Variants in ANKS1B observed in about 807,000 individuals in gnomAD.
ANKS1B encodes the protein ankyrin repeat and sterile alpha motif domain-containing protein 1B.
Under a neutral mutation model 148.3 loss-of-function variants are expected in ANKS1B, and 36 were observed. The observed-to-expected ratio is 0.24, with a 90% CI of 0.19 to 0.32. The LOEUF is 0.32. Among genes scored for constraint, ANKS1B ranks in the 10% least tolerant of loss-of-function variants. ANKS1B has a pLI of 1.00. For synonymous variants in ANKS1B, 542 were observed against 560.8 expected (o/e 0.97, Z 0.47); for missense variants, 1,157 against 1,542.6 (o/e 0.75, Z 4.19).
chr12:99,834,185 G>A (rs7309456), intron 1 of ANKS1B, among the ~76,000 whole-genome samples: 94,149 of 151,972 alleles, frequency 0.62, 30,722 homozygotes, highest in African/African-American at 0.77. Context: ...TTCAAATTTA[G>A]AAAGAGGGCC....
chr12:98,936,266 A>T lies in ANKS1B; in HGVS notation c.2779-104130T>A, dbSNP rs1377445442. Among the ~76,000 whole-genome samples the T allele has an allele frequency of 2.0e-5, 3 of 152,178 alleles. No homozygotes were observed. The East Asian group carries it at 5.8e-4, about 29-fold the overall frequency. ...AAAGCATATTCTGTGGCAATGTTAG[A>T]ATTCAAACCCAGGTCCCCTGACTCC... is the stretch of plus-strand genomic sequence containing the variant. On this transcript the variant is annotated intron_variant, in intron 17 of 26. Coordinates refer to ENST00000683438, the MANE Select transcript of ANKS1B (RefSeq NM_001352186.2).
chr12:98,896,471 G>T (rs2099764775), intron 17 of ANKS1B, among the ~76,000 whole-genome samples: 1 of 152,194 alleles, frequency 6.6e-6, no homozygotes, highest in African/African-American at 2.4e-5. Context: ...GCAACTGGTA[G>T]TTTTGGAAGA....
chr12:99,281,573 C>T (rs917525190), intron 12 of ANKS1B, among the ~76,000 whole-genome samples: 1 of 152,136 alleles, frequency 6.6e-6, no homozygotes, highest in Admixed American at 6.6e-5. Context: ...TTGGCGGGTA[C>T]TTCCAAAATA....
chr12:99,860,118 A>T (rs1191446757), intron 1 of ANKS1B, among the ~76,000 whole-genome samples: 1 of 152,206 alleles, frequency 6.6e-6, no homozygotes, highest in Non-Finnish European at 1.5e-5. Context: ...TTTAGGAGAG[A>T]GATGAAAACA....
chr12:99,517,272 T>C (rs1454637149), intron 9 of ANKS1B, among the ~76,000 whole-genome samples: 9 of 152,164 alleles, frequency 5.9e-5, no homozygotes, highest in Non-Finnish European at 1.2e-4. Context: ...GTTGTGGCTA[T>C]TGTAAGTGCA....
chr12:99,290,901 A>T (rs956963728), intron 12 of ANKS1B, among the ~76,000 whole-genome samples: 8 of 152,128 alleles, frequency 5.3e-5, no homozygotes, highest in Non-Finnish European at 1.0e-4. Flanking sequence ...CTGTTATTCA[A>T]TATAATACTG....
At chr12:99,823,453 A>G (rs1483697040) in intron 2 of ANKS1B, among the ~76,000 whole-genome samples, 3 of 151,986 alleles carry the variant, frequency 2.0e-5, no homozygotes, top group Non-Finnish European at 4.4e-5. Flanking sequence ...TTACAGGCAC[A>G]TATCATCGTG....
Position 99,437,881 on chromosome 12 carries a change from C to T in ANKS1B, c.1575+5792G>A, listed in dbSNP as rs73373989. Among the ~76,000 whole-genome samples the T allele has an allele frequency of 3.8e-3, 573 of 151,976 alleles. 3 individuals carry two copies. Among genetic ancestry groups the T allele is most frequent in the African/African-American group, 0.013 (545 of 41,484 alleles). Reference sequence around the variant, plus strand: ...TCAAACTACTAAAAAGATTAGTCTACAATCAGGGTATCTTTTCCCACTCTT... The same window carrying T: ...TCAAACTACTAAAAAGATTAGTCTATAATCAGGGTATCTTTTCCCACTCTT... On this transcript the variant is annotated intron_variant, in intron 11 of 26. Transcript: ENST00000683438.
intron 9 of ANKS1B, among the ~76,000 whole-genome samples, chr12:99,551,990 A>C (rs528765706): frequency 2.6e-5 from 4 of 152,088 alleles, no homozygotes; most frequent in Admixed American, 6.6e-5. Context: ...ATATATGTAC[A>C]GTTCCTAGCA....
intron 1 of ANKS1B, among the ~76,000 whole-genome samples, chr12:99,839,863 CTTT>C (rs1194267785): frequency 1.3e-5 from 2 of 151,970 alleles, no homozygotes; most frequent in African/African-American, 4.8e-5. Context: ...TAATTTAGTT[CTTT>C]ATTACTATTC....
intron 1 of ANKS1B, among the ~76,000 whole-genome samples, chr12:99,949,266 C>G (rs59977045): frequency 0.22 from 32,752 of 151,974 alleles, 3,798 homozygotes; most frequent in African/African-American, 0.25. Flanking sequence ...AAACCAGGAA[C>G]AGTTTCTTAG....
At chr12:99,221,649 C>A (rs554014151) in intron 14 of ANKS1B, among the ~76,000 whole-genome samples, 2 of 152,124 alleles carry the variant, frequency 1.3e-5, no homozygotes, top group Non-Finnish European at 2.9e-5. Flanking sequence ...TTTTCACCTA[C>A]CAAATATGTA....
intron 14 of ANKS1B, among the ~76,000 whole-genome samples, chr12:99,237,011 T>C (rs1191704266): frequency 6.6e-6 from 1 of 152,138 alleles, no homozygotes; most frequent in African/African-American, 2.4e-5. Context: ...GCTTAATACC[T>C]GGGTGATGAA....
At chr12:99,290,532 G>A (rs546464049) in intron 12 of ANKS1B, among the ~76,000 whole-genome samples, 216 of 151,934 alleles carry the variant, frequency 1.4e-3, no homozygotes, top group African/African-American at 4.7e-3. Flanking sequence ...AACAAAATAA[G>A]AGCAGTCCAA....
chr12:99,487,336 G>A (rs1166419341), intron 10 of ANKS1B, among the ~76,000 whole-genome samples: 1 of 152,074 alleles, frequency 6.6e-6, no homozygotes, highest in African/African-American at 2.4e-5. Context: ...TTAAAGTTTT[G>A]TTAGACAACA....
intron 15 of ANKS1B, among the ~76,000 whole-genome samples, chr12:99,133,034 T>C (rs1236685936): frequency 1.3e-5 from 2 of 150,110 alleles, no homozygotes; most frequent in African/African-American, 4.9e-5. Context: ...TTTTTTTTTC[T>C]TTTTTTTCTT....
At chr12:98,999,107 T>C (rs528575769) in intron 17 of ANKS1B, among the ~76,000 whole-genome samples, 1 of 152,356 alleles carries the variant, frequency 6.6e-6, no homozygotes, top group African/African-American at 2.4e-5. Flanking sequence ...CTGCTGCATC[T>C]AGAAAAGCAC....
intron 14 of ANKS1B, among the ~76,000 whole-genome samples, chr12:99,185,395 A>G (rs896999089): frequency 5.3e-5 from 8 of 152,208 alleles, no homozygotes; most frequent in Non-Finnish European, 1.0e-4. Flanking sequence ...CATTTTATAG[A>G]TTTTAAATTG....
chr12:99,221,058 G>A (rs1429854201), intron 14 of ANKS1B, among the ~76,000 whole-genome samples: 1 of 152,112 alleles, frequency 6.6e-6, no homozygotes, highest in Non-Finnish European at 1.5e-5. Context: ...TTTGCATGGT[G>A]GCCGGGTGCG....
Sources: allele counts gnomAD v4.1 joint callset (sites outside exome capture counted in the v4.1 genomes callset), GRCh38; gene constraint gnomAD v4.1.1; transcripts MANE v1.5; gene names NCBI Gene and HGNC (gene_info 2026-07-23, HGNC 2026-07-21).